The following MYOCD variants were observed in gnomAD, a reference collection of about 807,000 sequenced individuals.
MYOCD encodes the protein myocardin.
In MYOCD, 32 loss-of-function variants were observed where a neutral mutation model predicts 96.1. The ratio of observed to expected loss-of-function variants is 0.33; its 90% CI spans 0.25 to 0.45. The LOEUF is 0.45. MYOCD is among the 20% of genes least tolerant of loss of function. The probability of loss-of-function intolerance (pLI) is 1.00; values close to 1 mark genes in which losing one functional copy is unlikely to be tolerated. For synonymous variants in MYOCD, 469 were observed against 469.0 expected (o/e 1.00, Z 0.00); for missense variants, 1,133 against 1,200.6 (o/e 0.94, Z 0.83).
At chr17:12,760,851 CT>C in intron 13 of MYOCD, 144 bp downstream of exon 13, 1 of 687,562 alleles carries the variant, frequency 1.5e-6, no homozygotes, top group Non-Finnish European at 2.6e-6. Context: ...CTTTGAGCTT[CT>C]CGCACATTTT....
At position 12,765,674 on chromosome 17, in the gene MYOCD, T is replaced by A. The variant is rs1018534352; in HGVS notation, c.*2030T>A. The A allele has an allele frequency of 6.6e-6, 1 of 152,222 alleles. No individual in the cohort carries two copies. Among genetic ancestry groups the A allele is most frequent in the African/African-American group, 2.4e-5 (1 of 41,444 alleles). The allele number at this position is 152,222 out of a possible 1,614,324, so 9.4% of individuals were successfully genotyped here. On this transcript the variant is annotated 3_prime_UTR_variant, in exon 14 of 14. Coordinates refer to ENST00000425538, the MANE Select transcript of MYOCD (RefSeq NM_001146312.3). ...TCTGCTGTGAATGATACCTGGCCTT[T>A]CTCACTATGAATTTCTGATTAACCA...
intron 1 of MYOCD, among the ~76,000 whole-genome samples, chr17:12,693,297 T>TAAA (rs2030553462): frequency 6.6e-6 from 1 of 151,924 alleles, no homozygotes; most frequent in Non-Finnish European, 1.5e-5. Flanking sequence ...TATGTTTTTT[T>TAAA]AAAACAAACA....
intron 1 of MYOCD, among the ~76,000 whole-genome samples, chr17:12,703,020 G>A (rs2031143716): frequency 6.6e-6 from 1 of 151,852 alleles, no homozygotes; most frequent in Non-Finnish European, 1.5e-5. Flanking sequence ...CCTTGAGCCT[G>A]AAGAATTTAC....
At position 12,752,672 on chromosome 17, in the gene MYOCD, T is replaced by G; in HGVS notation, c.1384T>G (p.Ser462Ala). The G allele has an allele frequency of 1.2e-6, 2 of 1,614,112 alleles. No individual in the cohort carries two copies. The highest frequency in any genetic ancestry group is 2.2e-5 in the South Asian group (2 of 91,074). ...CTCCAGCCCCCCGATCTCCCCAGCC[T>G]CCTCTGACCTGTCAGTCGCTGGGTC... The part of the protein sequence containing the change: ...TSSSPPISPA[S>A]SDLSVAGSLP... The change falls in exon 10 of 14, where the codon TCC becomes GCC. Residue 462 changes from serine (S) to alanine (A), a missense_variant. By Grantham distance (99) the Ser-to-Ala change is moderately conservative (BLOSUM62 1). Transcript: ENST00000425538.
At chr17:12,744,483 A>G in intron 8 of MYOCD, 47 bp downstream of exon 8, 7 of 1,552,706 alleles carry the variant, frequency 4.5e-6, no homozygotes, top group Non-Finnish European at 6.1e-6. Context: ...GAGGTTGGGA[A>G]GGGTGTCTAT....
intron 4 of MYOCD, among the ~76,000 whole-genome samples, chr17:12,720,754 G>C (rs184705869): frequency 6.6e-6 from 1 of 152,248 alleles, no homozygotes; most frequent in Non-Finnish European, 1.5e-5. Flanking sequence ...AGGTGCGGTG[G>C]CTCACGCCTT....
At chr17:12,684,135 A>T (rs986243323) in intron 1 of MYOCD, among the ~76,000 whole-genome samples, 2 of 151,994 alleles carry the variant, frequency 1.3e-5, no homozygotes, top group African/African-American at 4.8e-5. Context: ...TCATGAATTT[A>T]TTATCAAGAC....
intron 3 of MYOCD, among the ~76,000 whole-genome samples, chr17:12,716,937 C>T (rs923988324): frequency 7.4e-6 from 1 of 135,066 alleles, no homozygotes; most frequent in Non-Finnish European, 1.5e-5. Context: ...CTGCAGTGAG[C>T]TTTGATTGTG....
chr17:12,753,569 G>A (rs574534172), intron 10 of MYOCD, among the ~76,000 whole-genome samples: 4 of 152,310 alleles, frequency 2.6e-5, no homozygotes, highest in Admixed American at 2.6e-4. Context: ...GGGCGAGATG[G>A]TAAATATTTT....
chr17:12,758,439 G>T (rs964945661), intron 12 of MYOCD: 2 of 644,466 alleles, frequency 3.1e-6, no homozygotes, highest in Non-Finnish European at 5.3e-6. Flanking sequence ...TTTGGTACCA[G>T]TTCTGCCATC....
At chr17:12,685,820 A>G (rs2030089302) in intron 1 of MYOCD, among the ~76,000 whole-genome samples, 1 of 152,198 alleles carries the variant, frequency 6.6e-6, no homozygotes, top group Non-Finnish European at 1.5e-5. Flanking sequence ...ATTGCTTTGT[A>G]TAATTCCTGG....
chr17:12,703,636 C>G (rs1048173838), intron 1 of MYOCD, among the ~76,000 whole-genome samples: 1 of 152,138 alleles, frequency 6.6e-6, no homozygotes, highest in Non-Finnish European at 1.5e-5. Flanking sequence ...TGACTCTGCT[C>G]TGCTTCTGGG....
At chr17:12,711,853 T>C (rs1349166056) in intron 2 of MYOCD, among the ~76,000 whole-genome samples, 2 of 152,032 alleles carry the variant, frequency 1.3e-5, no homozygotes, top group African/African-American at 4.8e-5. Context: ...AAACAAAGAT[T>C]CCTGGGTTCT....
intron 1 of MYOCD, among the ~76,000 whole-genome samples, chr17:12,685,474 T>C (rs2030063190): frequency 6.6e-6 from 1 of 151,466 alleles, no homozygotes; most frequent in African/African-American, 2.4e-5. Context: ...GGTGTGGTGG[T>C]GCATGCCTGT....
intron 1 of MYOCD, among the ~76,000 whole-genome samples, chr17:12,701,676 T>A (rs915006636): frequency 6.6e-6 from 1 of 152,172 alleles, no homozygotes; most frequent in Non-Finnish European, 1.5e-5. Context: ...AAACTCTAAG[T>A]TTCCCTCTCA....
intron 1 of MYOCD, among the ~76,000 whole-genome samples, chr17:12,701,631 A>G (rs1458954187): frequency 6.6e-6 from 1 of 152,040 alleles, no homozygotes; most frequent in East Asian, 1.9e-4. Flanking sequence ...TAGGTCACTG[A>G]TTTAATGTTT....
In MYOCD at chr17:12,763,359, G is replaced by A; in HGVS notation, c.2676G>A (p.Gly892=). ...HFDGIMDGFS[G]KAAEDLFNAH... is the part of the protein sequence containing the mutation. ...ATGGGATAATGGATGGATTCTCTGG[G>A]AAGGCTGCAGAAGACCTCTTCAATG... The change falls in exon 14 of 14, where the codon GGG becomes GGA. Residue 892 remains glycine, a synonymous_variant. Transcript: ENST00000425538. 4 of 1,597,068 alleles carry A rather than the reference G, an allele frequency of 2.5e-6. No individual in the cohort carries two copies. Among genetic ancestry groups the A allele is most frequent in the Non-Finnish European group, 3.4e-6 (4 of 1,171,746 alleles).
At chr17:12,679,044 C>T (rs554882657) in intron 1 of MYOCD, among the ~76,000 whole-genome samples, 1 of 152,190 alleles carries the variant, frequency 6.6e-6, no homozygotes, top group African/African-American at 2.4e-5. Flanking sequence ...CAGATTCAGA[C>T]CTAGAACTCT....
At chr17:12,686,963 C>T (rs570155544) in intron 1 of MYOCD, among the ~76,000 whole-genome samples, 13 of 152,292 alleles carry the variant, frequency 8.5e-5, no homozygotes, top group Admixed American at 3.9e-4. Context: ...AATCTACATC[C>T]GCTCTTTGCT....
Sources: allele counts gnomAD v4.1 joint callset (sites outside exome capture counted in the v4.1 genomes callset), GRCh38; gene constraint gnomAD v4.1.1; transcripts MANE v1.5; gene names NCBI Gene and HGNC (gene_info 2026-07-23, HGNC 2026-07-21).